The following ZNF14 variants were observed in gnomAD, a reference collection of about 807,000 sequenced individuals.
ZNF14 encodes the protein gonadotropin inducible transcription repressor-4.
Under a neutral mutation model 11.3 loss-of-function variants are expected in ZNF14, and 9 were observed. That is an observed-to-expected ratio of 0.80 (90% CI 0.48 to 1.39). ZNF14 has a LOEUF of 1.39. Ranked by LOEUF, ZNF14 falls within the 40% of genes most tolerant of loss-of-function variation. The pLI is 0.00. For missense variants in ZNF14, 711 were observed against 763.9 expected (o/e 0.93, Z 0.82); for synonymous variants, 239 against 245.7 (o/e 0.97, Z 0.25).
Position 19,716,442 on chromosome 19 carries a change from C to T in ZNF14, c.4-1955G>A, listed in dbSNP as rs771174969. On this transcript the variant is annotated intron_variant, in intron 1 of 3. Coordinates refer to ENST00000344099, the MANE Select transcript of ZNF14 (RefSeq NM_021030.3). ...TAGCTGGGATTACAGATGTGCACCACCACACCCGTCTAATTTTTGTGTTTT... is the reference window on the plus strand; with the variant it reads ...TAGCTGGGATTACAGATGTGCACCATCACACCCGTCTAATTTTTGTGTTTT... Among the ~76,000 whole-genome samples the T allele has an allele frequency of 2.2e-3, 335 of 152,194 alleles. 1 individual carries two copies. The highest frequency in any genetic ancestry group is 2.9e-3 in the Non-Finnish European group (198 of 68,032).
rs755656005 is a variant in ZNF14 at position 19,732,992 on chromosome 19, T to C, written c.-34A>G. 1 of 1,612,520 alleles carries C rather than the reference T, an allele frequency of 6.2e-7. No homozygotes were observed. Among genetic ancestry groups the C allele is most frequent in the East Asian group, 2.2e-5 (1 of 44,808 alleles). On this transcript the variant is annotated 5_prime_UTR_variant, in exon 1 of 4. Transcript: ENST00000344099. The stretch of plus-strand genomic sequence containing the variant: ...GTCCGGGAAGTCACGGTGTCCTCCC[T>C]ACGGATCTGTCAGTACCTGCAGGTC...
At position 19,711,621 on chromosome 19, in the gene ZNF14, T is replaced by C. The variant is rs747447627; in HGVS notation, c.1660A>G (p.Thr554Ala). The change falls in exon 4 of 4, where the codon ACT becomes GCT. Residue 554 changes from threonine to alanine, a missense_variant. Transcript: ENST00000344099. ...TTACATTGATACGGTTTCTCTCCAG[T>C]GTGAGTCCTTTCATGCAATCGAATT... Reference protein sequence around the residue: ...SQIRLHERTHTGEKPYQCKQC... With the variant: ...SQIRLHERTHAGEKPYQCKQC... 2 of 1,614,192 alleles carry C rather than the reference T, an allele frequency of 1.2e-6. No individual in the cohort carries two copies. The highest frequency in any genetic ancestry group is 8.5e-7 in the Non-Finnish European group (1 of 1,180,032).
intron 1 of ZNF14, among the ~76,000 whole-genome samples, chr19:19,732,243 C>A (rs1347434223): frequency 6.6e-6 from 1 of 152,082 alleles, no homozygotes; most frequent in Non-Finnish European, 1.5e-5. Flanking sequence ...CATCCAGAAA[C>A]CAAAGAAACT....
intron 1 of ZNF14, among the ~76,000 whole-genome samples, chr19:19,718,418 T>A (rs1014924841): frequency 6.6e-6 from 1 of 152,174 alleles, no homozygotes; most frequent in Non-Finnish European, 1.5e-5. Context: ...TGATGAGTGA[T>A]CTTGAAGAAC....
intron 1 of ZNF14, among the ~76,000 whole-genome samples, chr19:19,727,645 A>T (rs987526011): frequency 7.5e-6 from 1 of 133,626 alleles, no homozygotes; most frequent in African/African-American, 2.8e-5. Flanking sequence ...TTTTTTGAAC[A>T]ACTGCCAGAA....
intron 2 of ZNF14, 34 bp downstream of exon 2, chr19:19,714,327 A>G: frequency 6.2e-7 from 1 of 1,612,684 alleles, no homozygotes; most frequent in Middle Eastern, 1.8e-4. Context: ...TGTGTTCTAT[A>G]TTTAACTGAG....
rs547143706 is a variant in ZNF14, at chr19:19,731,590, A to C, written c.3+1366T>G. Reference sequence around the variant, plus strand: ...GATTCCATCTCAAAAAAAAGAAAAAAAACAACAACAAAACTACCCACAATG... The same window carrying C: ...GATTCCATCTCAAAAAAAAGAAAAACAACAACAACAAAACTACCCACAATG... On this transcript the variant is annotated intron_variant, in intron 1 of 3. Transcript: ENST00000344099. Among the ~76,000 whole-genome samples, 18 of 152,010 alleles carry C rather than the reference A, an allele frequency of 1.2e-4. No homozygotes were observed. The South Asian group carries it at 1.7e-3, about 14-fold the overall frequency.
chr19:19,721,459 T>C (rs1278103907), intron 1 of ZNF14, among the ~76,000 whole-genome samples: 2 of 152,142 alleles, frequency 1.3e-5, no homozygotes, highest in Non-Finnish European at 2.9e-5. Context: ...ATCTCCAACT[T>C]TTCTCCAAAT....
At chr19:19,730,171 GTGCCA>G (rs1390417139) in intron 1 of ZNF14, among the ~76,000 whole-genome samples, 7 of 151,982 alleles carry the variant, frequency 4.6e-5, no homozygotes, top group African/African-American at 1.7e-4. Flanking sequence ...TTACAGGTGT[GTGCCA>G]CCAGGCTCGG....
chr19:19,720,838 A>C lies in ZNF14; in HGVS notation c.4-6351T>G, dbSNP rs926991977. On this transcript the variant is annotated intron_variant, in intron 1 of 3. Coordinates refer to ENST00000344099, the MANE Select transcript of ZNF14 (RefSeq NM_021030.3). The surrounding 1 kb of genome is among the most constrained non-coding windows in gnomAD (Gnocchi z 4.1). ...TATATAGAAATTAACCAGGCTACTA[A>C]AAAGAGAATTGAAAACCCTAGACAA... 3.9e-5 allele frequency among the ~76,000 whole-genome samples: 6 copies of C among 152,364 alleles called. No homozygotes were observed. In the East Asian group the frequency reaches 1.2e-3, roughly 29 times the overall value.
chr19:19,711,249 T>C lies in ZNF14; in HGVS notation c.*103A>G, dbSNP rs2062358625. ...AAGAAACTGGAACAATTAAGGGCTT[T>C]AGAACAATGTTTGTATTCACACAGC... On this transcript the variant is annotated 3_prime_UTR_variant, in exon 4 of 4. Coordinates refer to ENST00000344099, the MANE Select transcript of ZNF14 (RefSeq NM_021030.3). 1.5e-6 allele frequency: 2 copies of C among 1,333,674 alleles called. No homozygotes were observed. Among genetic ancestry groups the C allele is most frequent in the Non-Finnish European group, 1.0e-6 (1 of 986,852 alleles). 82.6% of individuals were successfully genotyped at this position (1,333,674 alleles called of 1,614,324 possible). A position where few individuals can be genotyped will look rare whatever the true frequency, so the allele number is the denominator to read the frequency against.
chr19:19,729,449 G>C (rs1224324049), intron 1 of ZNF14, among the ~76,000 whole-genome samples: 1 of 151,718 alleles, frequency 6.6e-6, no homozygotes, highest in Admixed American at 6.6e-5. Context: ...CCGAGTAGCT[G>C]GAATTATAGG....
intron 1 of ZNF14, among the ~76,000 whole-genome samples, chr19:19,732,209 C>T (rs1012990991): frequency 2.6e-5 from 4 of 152,130 alleles, no homozygotes; most frequent in Non-Finnish European, 5.9e-5. Flanking sequence ...TTTAAAAGAA[C>T]CTGAACAAGC....
chr19:19,718,322 A>G (rs1446028104), intron 1 of ZNF14, among the ~76,000 whole-genome samples: 1 of 152,226 alleles, frequency 6.6e-6, no homozygotes, highest in Non-Finnish European at 1.5e-5. Flanking sequence ...AAGAATCAAA[A>G]GGTAACGAAG....
intron 1 of ZNF14, among the ~76,000 whole-genome samples, chr19:19,725,887 C>T (rs570615839): frequency 1.5e-5 from 2 of 134,650 alleles, no homozygotes; most frequent in African/African-American, 5.5e-5. Flanking sequence ...GAAGCTTGTG[C>T]ATGCATCAAG....
chr19:19,731,989 T>G (rs1396055517), intron 1 of ZNF14, among the ~76,000 whole-genome samples: 1 of 151,932 alleles, frequency 6.6e-6, no homozygotes, highest in Non-Finnish European at 1.5e-5. Flanking sequence ...GGCTTGAACC[T>G]GGGAGGCGGA....
intron 1 of ZNF14, among the ~76,000 whole-genome samples, chr19:19,722,535 A>C (rs1008829052): frequency 1.3e-5 from 2 of 152,186 alleles, no homozygotes; most frequent in African/African-American, 4.8e-5. Flanking sequence ...CTTTTGGCTT[A>C]GGATTGTCTT....
At chr19:19,713,748 C>CTTT (rs71172526) in intron 3 of ZNF14, among the ~76,000 whole-genome samples, 27 of 120,194 alleles carry the variant, frequency 2.2e-4, no homozygotes, top group African/African-American at 4.4e-4. Flanking sequence ...TGTGCCAGGC[C>CTTT]TTTTTTTTTT....
intron 1 of ZNF14, among the ~76,000 whole-genome samples, chr19:19,725,593 C>G (rs2062404329): frequency 7.5e-6 from 1 of 133,354 alleles, no homozygotes; most frequent in African/African-American, 2.8e-5. Flanking sequence ...TTGTGGCATT[C>G]TCTGTATTTC....
Sources: gnomAD v4.1 joint callset for allele counts (sites outside exome capture counted in the v4.1 genomes callset) on GRCh38, gnomAD v4.1.1 for gene constraint, Gnocchi (gnomAD v3.1) non-coding constraint, MANE v1.5 for transcripts, NCBI Gene and HGNC (gene_info 2026-07-23, HGNC 2026-07-21) for gene names.